Variants in MCC observed in about 807,000 individuals in gnomAD.
MCC encodes MCC regulator of Wnt signaling pathway, also known as colorectal mutant cancer protein.
MCC carries 90 observed loss-of-function variants against 116.2 expected under a neutral mutation model. The ratio of observed to expected loss-of-function variants is 0.77; its 90% CI spans 0.65 to 0.92. MCC has a LOEUF of 0.92. MCC is among the 40% of genes least tolerant of loss of function. The probability of loss-of-function intolerance (pLI) is 0.00; values close to 1 mark genes in which losing one functional copy is unlikely to be tolerated. For missense variants in MCC, 1,516 were observed against 1,312.2 expected (o/e 1.16, Z -2.40); for synonymous variants, 578 against 510.5 (o/e 1.13, Z -1.78).
intron 1 of MCC, among the ~76,000 whole-genome samples, chr5:113,403,732 C>T (rs1344925004): frequency 1.3e-5 from 2 of 152,144 alleles, no homozygotes; most frequent in Non-Finnish European, 2.9e-5. Flanking sequence ...AAGCCCCCAG[C>T]GGGATTGCCA....
intron 8 of MCC, among the ~76,000 whole-genome samples, chr5:113,097,105 A>G (rs1756072294): frequency 6.6e-6 from 1 of 152,252 alleles, no homozygotes; most frequent in Non-Finnish European, 1.5e-5. Context: ...AGAAATGAAC[A>G]AAGTTCCATA....
chr5:113,416,265 G>T (rs558243997), intron 1 of MCC, among the ~76,000 whole-genome samples: 1 of 152,296 alleles, frequency 6.6e-6, no homozygotes, highest in African/African-American at 2.4e-5. Context: ...TTTAAACAAT[G>T]TTGGAGAGCT....
rs148280840 is a variant in MCC at position 113,269,398 on chromosome 5, A to C, written c.627+71121T>G. On this transcript the variant is annotated intron_variant, in intron 3 of 18. Coordinates refer to ENST00000408903, the MANE Select transcript of MCC (RefSeq NM_001085377.2). ...AATTAAGCTACTGCAATGAGGACAC[A>C]TCAAAAAAACACTTCCTTCATATCT... Among the ~76,000 whole-genome samples, 585 of 152,348 alleles carry C rather than the reference A, an allele frequency of 3.8e-3. 2 individuals are homozygous for C. Among genetic ancestry groups the C allele is most frequent in the Middle Eastern group, 0.027 (8 of 294 alleles).
At chr5:113,328,514 C>G (rs1243525911) in intron 3 of MCC, among the ~76,000 whole-genome samples, 2 of 152,156 alleles carry the variant, frequency 1.3e-5, no homozygotes, top group South Asian at 2.1e-4. Context: ...TTAAGTCTAG[C>G]TGAAAACAAC....
chr5:113,210,656 GGAA>G (rs1763101084), intron 3 of MCC, among the ~76,000 whole-genome samples: 3 of 152,250 alleles, frequency 2.0e-5, no homozygotes, highest in Admixed American at 6.5e-5. Context: ...AATGAATATA[GGAA>G]GAAGGAGAAT....
intron 3 of MCC, among the ~76,000 whole-genome samples, chr5:113,182,647 G>T (rs957137366): frequency 6.6e-6 from 1 of 152,062 alleles, no homozygotes; most frequent in South Asian, 2.1e-4. Context: ...TACTCACAGG[G>T]AAATATTAAT....
At chr5:113,155,348 G>C (rs368813901) in intron 3 of MCC, among the ~76,000 whole-genome samples, 1 of 152,164 alleles carries the variant, frequency 6.6e-6, no homozygotes, top group East Asian at 1.9e-4. Context: ...ATAAACATGG[G>C]GATACAGGTG....
At chr5:113,144,882 C>A (rs973469941) in intron 4 of MCC, among the ~76,000 whole-genome samples, 7 of 152,180 alleles carry the variant, frequency 4.6e-5, no homozygotes, top group African/African-American at 1.7e-4. Flanking sequence ...CACTCCAGGT[C>A]AAGCACACAA....
In MCC at chr5:113,026,396, C is replaced by G. The variant is rs1160452527; in HGVS notation, c.*906G>C. On this transcript the variant is annotated 3_prime_UTR_variant, in exon 19 of 19. Coordinates refer to ENST00000408903, the MANE Select transcript of MCC (RefSeq NM_001085377.2). ...GCACCCATGTGGAAGAGATTTGATT[C>G]AGCAGAACAGCAATTATGTAGTGCC... The G allele has an allele frequency of 6.6e-6, 1 of 152,242 alleles. No individual in the cohort carries two copies. The highest frequency in any genetic ancestry group is 1.5e-5 in the Non-Finnish European group (1 of 68,056). 9.4% of individuals were successfully genotyped at this position (152,242 alleles called of 1,614,324 possible).
At chr5:113,084,277 T>A in intron 9 of MCC, 87 bp from the exon 10 acceptor site, 1 of 1,012,142 alleles carries the variant, frequency 9.9e-7, no homozygotes, top group Non-Finnish European at 1.5e-6. Context: ...GGGCTACTTT[T>A]TAGCCATGTC....
chr5:113,033,478 C>A (rs1472441192), intron 17 of MCC, among the ~76,000 whole-genome samples: 1 of 152,190 alleles, frequency 6.6e-6, no homozygotes, highest in African/African-American at 2.4e-5. Context: ...GAAACCTCAA[C>A]CATTCTTGTT....
At chr5:113,387,989 T>C (rs1025708597) in intron 1 of MCC, among the ~76,000 whole-genome samples, 2 of 152,134 alleles carry the variant, frequency 1.3e-5, no homozygotes, top group Non-Finnish European at 2.9e-5. Flanking sequence ...GTACAATCTG[T>C]CCACAGAGGC....
chr5:113,426,551 T>C (rs79057834), intron 1 of MCC, among the ~76,000 whole-genome samples: 5,487 of 152,296 alleles, frequency 0.036, 299 homozygotes, highest in African/African-American at 0.12. Flanking sequence ...ATGTTCTTCA[T>C]GCCCGAAACA....
At chr5:113,204,171 G>A (rs1762811440) in intron 3 of MCC, among the ~76,000 whole-genome samples, 1 of 152,170 alleles carries the variant, frequency 6.6e-6, no homozygotes, top group African/African-American at 2.4e-5. Context: ...TTGACGGTTT[G>A]CAAGAACCGT....
At chr5:113,277,761 C>G (rs7701895) in intron 3 of MCC, among the ~76,000 whole-genome samples, 18,139 of 152,088 alleles carry the variant, frequency 0.12, 1,296 homozygotes, top group Non-Finnish European at 0.17. Context: ...GTGGTATATG[C>G]GATATTGGCA....
At chr5:113,170,441 T>A (rs4705548) in intron 3 of MCC, among the ~76,000 whole-genome samples, 2,608 of 152,232 alleles carry the variant, frequency 0.017, 258 homozygotes, top group Admixed American at 0.15. Context: ...GTGAGAAGCT[T>A]GGATGCTTTT....
intron 3 of MCC, among the ~76,000 whole-genome samples, chr5:113,166,085 C>T (rs148690645): frequency 6.6e-6 from 1 of 152,222 alleles, no homozygotes; most frequent in African/African-American, 2.4e-5. Context: ...ATTTTCTTGT[C>T]ATGTCTACCA....
intron 1 of MCC, among the ~76,000 whole-genome samples, chr5:113,454,522 C>T (rs7707443): frequency 0.2 from 31,055 of 152,086 alleles, 3,659 homozygotes; most frequent in Admixed American, 0.33. Context: ...CATAATAAAA[C>T]CCTAAGGGAG....
At chr5:113,310,918 C>G (rs1767121748) in intron 3 of MCC, among the ~76,000 whole-genome samples, 2 of 152,042 alleles carry the variant, frequency 1.3e-5, no homozygotes, top group Admixed American at 1.3e-4. Context: ...TATTTATCAC[C>G]CACTATGTGC....
Sources: allele counts gnomAD v4.1 joint callset (sites outside exome capture counted in the v4.1 genomes callset), GRCh38; gene constraint gnomAD v4.1.1; transcripts MANE v1.5; gene names NCBI Gene and HGNC (gene_info 2026-07-23, HGNC 2026-07-21).